Variants in NCAM2 observed in about 807,000 individuals in gnomAD.
The protein encoded by NCAM2 is N-CAM-2.
A neutral mutation model predicts 98.1 loss-of-function variants in NCAM2; 30 were observed. The ratio of observed to expected loss-of-function variants is 0.31; its 90% CI spans 0.23 to 0.41. The LOEUF (loss-of-function observed/expected upper bound fraction) is 0.41, where lower values mean the gene tolerates loss of function less well. Ranked by LOEUF, NCAM2 falls within the 10% of genes least tolerant of loss-of-function variation. The pLI, the probability that NCAM2 is intolerant of heterozygous loss-of-function variation, is 1.00. For missense variants in NCAM2, 867 were observed against 1,005.8 expected, an observed-to-expected ratio of 0.86 and a Z score of 1.87; for synonymous variants, 368 against 342.4, an observed-to-expected ratio of 1.07 and a Z score of -0.83.
Position 20,998,454 on chromosome 21 carries a change from C to T in NCAM2, c.-110C>T. On this transcript the variant is annotated 5_prime_UTR_variant, in exon 1 of 18. Transcript: ENST00000400546. ...CGGGCTGCGGGCGGCTGGGGCACCGCGGGAGCGGCGGCGGCGGCTCTAGCA... is the reference window on the plus strand; with the variant it reads ...CGGGCTGCGGGCGGCTGGGGCACCGTGGGAGCGGCGGCGGCGGCTCTAGCA... The T allele has an allele frequency of 9.3e-7, 1 of 1,072,534 alleles. No individual in the cohort carries two copies. Among genetic ancestry groups the T allele is most frequent in the Admixed American group, 2.6e-5 (1 of 37,820 alleles). 66.4% of individuals were successfully genotyped at this position (1,072,534 alleles called of 1,614,324 possible). A position where few individuals can be genotyped will look rare whatever the true frequency, so the allele number is the denominator to read the frequency against.
chr21:21,018,534 A>G (rs187851263), intron 1 of NCAM2, among the ~76,000 whole-genome samples: 66 of 152,340 alleles, frequency 4.3e-4, no homozygotes, highest in African/African-American at 1.5e-3. Context: ...TAATATCACA[A>G]TAAGTATTGG....
At chr21:21,259,117 C>G (rs996552228) in intron 1 of NCAM2, among the ~76,000 whole-genome samples, 3 of 152,034 alleles carry the variant, frequency 2.0e-5, no homozygotes, top group Non-Finnish European at 2.9e-5. Context: ...TGCGGTGGCT[C>G]CACTCCCCCT....
At chr21:21,466,486 T>C in intron 12 of NCAM2, 120 bp from the exon 13 acceptor site, 2 of 713,506 alleles carry the variant, frequency 2.8e-6, no homozygotes, top group Non-Finnish European at 4.1e-6. Flanking sequence ...TGGAAAGATT[T>C]CAGTGAAATT....
chr21:21,321,126 A>C (rs1568930632), intron 5 of NCAM2, among the ~76,000 whole-genome samples: 1 of 152,200 alleles, frequency 6.6e-6, no homozygotes, highest in Non-Finnish European at 1.5e-5. Context: ...TCTAATGGAC[A>C]CACAGCCCTA....
At chr21:21,123,092 A>G (rs1277076138) in intron 1 of NCAM2, among the ~76,000 whole-genome samples, 3 of 152,196 alleles carry the variant, frequency 2.0e-5, no homozygotes, top group East Asian at 1.9e-4. Context: ...TAGTGAGAAC[A>G]TATGATTTGA....
At chr21:21,027,891 T>C (rs2064586111) in intron 1 of NCAM2, among the ~76,000 whole-genome samples, 1 of 151,838 alleles carries the variant, frequency 6.6e-6, no homozygotes, top group African/African-American at 2.4e-5. Flanking sequence ...CGTTTCTCTC[T>C]TGTTGCCCAG....
At chr21:21,480,366 CAAAAAAAA>C (rs59203448) in intron 15 of NCAM2, among the ~76,000 whole-genome samples, 34 of 69,946 alleles carry the variant, frequency 4.9e-4, no homozygotes, top group African/African-American at 1.9e-3. Flanking sequence ...GACTCCATCT[CAAAAAAAA>C]AAAAAAAAAA....
At chr21:21,374,177 AG>A (rs1273940924) in intron 9 of NCAM2, among the ~76,000 whole-genome samples, 164 bp downstream of exon 9, 2 of 151,876 alleles carry the variant, frequency 1.3e-5, no homozygotes, top group African/African-American at 2.4e-5. Flanking sequence ...GGAGACATCT[AG>A]TGGAAATTAC....
intron 1 of NCAM2, among the ~76,000 whole-genome samples, chr21:21,099,318 A>C (rs562128001): frequency 6.6e-6 from 1 of 151,878 alleles, no homozygotes; most frequent in South Asian, 2.1e-4. Flanking sequence ...CAAATAAATG[A>C]GATGGGCTTT....
intron 6 of NCAM2, 147 bp downstream of exon 6, chr21:21,324,647 C>G (rs965110405): frequency 4.9e-6 from 3 of 612,162 alleles, no homozygotes; most frequent in Non-Finnish European, 5.8e-6. Context: ...TTGGGGCTTA[C>G]GGTGGTTAGA....
At chr21:21,097,672 C>G (rs1252496262) in intron 1 of NCAM2, among the ~76,000 whole-genome samples, 2 of 151,446 alleles carry the variant, frequency 1.3e-5, no homozygotes, top group Admixed American at 6.6e-5. Context: ...TCCACCAAGG[C>G]TGTTTTGTGC....
chr21:21,105,915 C>T (rs2066334377), intron 1 of NCAM2, among the ~76,000 whole-genome samples: 1 of 151,902 alleles, frequency 6.6e-6, no homozygotes, highest in Non-Finnish European at 1.5e-5. Context: ...CTCATCATAT[C>T]GTATATAATT....
chr21:21,330,870 C>G (rs1751515146), intron 6 of NCAM2, among the ~76,000 whole-genome samples: 1 of 152,024 alleles, frequency 6.6e-6, no homozygotes, highest in Non-Finnish European at 1.5e-5. Context: ...TTCAAGTGAA[C>G]TAAGTTACGT....
At chr21:21,347,314 C>T (rs1411342305) in intron 8 of NCAM2, among the ~76,000 whole-genome samples, 1 of 151,762 alleles carries the variant, frequency 6.6e-6, no homozygotes, top group African/African-American at 2.4e-5. Context: ...ATAGAAAAAA[C>T]TTTCTAAAAT....
chr21:21,398,436 A>T (rs569841652), intron 9 of NCAM2, among the ~76,000 whole-genome samples: 3 of 152,318 alleles, frequency 2.0e-5, no homozygotes, highest in African/African-American at 7.2e-5. Flanking sequence ...ATTAAAAAGA[A>T]GAAAAAAGGT....
intron 2 of NCAM2, among the ~76,000 whole-genome samples, chr21:21,282,652 T>A (rs1264954566): frequency 1.3e-5 from 2 of 151,650 alleles, no homozygotes; most frequent in African/African-American, 4.8e-5. Flanking sequence ...ATAAAATAAA[T>A]ATCTTAAATT....
intron 1 of NCAM2, among the ~76,000 whole-genome samples, chr21:21,210,350 C>T (rs1030558236): frequency 1.3e-5 from 2 of 152,108 alleles, no homozygotes; most frequent in East Asian, 3.9e-4. Flanking sequence ...AGGTTCATAA[C>T]CTGAAAACAC....
chr21:21,085,042 T>G (rs1311396898), intron 1 of NCAM2, among the ~76,000 whole-genome samples: 3 of 152,152 alleles, frequency 2.0e-5, no homozygotes, highest in African/African-American at 7.2e-5. Context: ...CTTCAGTCAA[T>G]GGGTCAACTT....
intron 1 of NCAM2, among the ~76,000 whole-genome samples, chr21:21,242,647 T>C (rs1447421806): frequency 2.0e-5 from 3 of 152,182 alleles, no homozygotes; most frequent in Admixed American, 6.5e-5. Context: ...ATCTCTGTTG[T>C]TGGAAATAAC....
Sources: gnomAD v4.1 joint callset for allele counts (sites outside exome capture counted in the v4.1 genomes callset) on GRCh38, gnomAD v4.1.1 for gene constraint, MANE v1.5 for transcripts, NCBI Gene and HGNC (gene_info 2026-07-23, HGNC 2026-07-21) for gene names.